The following MBD5 variants were observed in gnomAD, a reference collection of about 807,000 sequenced individuals.
The protein encoded by MBD5 is methyl-CpG-binding domain protein 5.
MBD5 carries 13 observed loss-of-function variants against 117.3 expected under a neutral mutation model. The observed-to-expected ratio is 0.11, with a 90% confidence interval of 0.07 to 0.18. The LOEUF (loss-of-function observed/expected upper bound fraction) is 0.18, where lower values mean the gene tolerates loss of function less well. MBD5 is among the 10% of genes least tolerant of loss of function. The pLI is 1.00. For missense variants in MBD5, 1,879 were observed against 2,093.8 expected, an observed-to-expected ratio of 0.90 and a Z score of 2.00; for synonymous variants, 727 against 766.4, an observed-to-expected ratio of 0.95 and a Z score of 0.85.
chr2:148,389,777 G>C (rs887726972), intron 4 of MBD5, among the ~76,000 whole-genome samples: 2 of 152,064 alleles, frequency 1.3e-5, no homozygotes, highest in Non-Finnish European at 2.9e-5. Flanking sequence ...TTTTAATGGA[G>C]TTATTCACTT....
At chr2:148,208,864 A>G (rs1424072449) in intron 2 of MBD5, among the ~76,000 whole-genome samples, 2 of 152,152 alleles carry the variant, frequency 1.3e-5, no homozygotes, top group Non-Finnish European at 2.9e-5. Context: ...AAATAGTATC[A>G]TCAAATACCT....
intron 3 of MBD5, among the ~76,000 whole-genome samples, chr2:148,325,513 T>G (rs1170491411): frequency 2.6e-5 from 4 of 152,164 alleles, no homozygotes; most frequent in Non-Finnish European, 5.9e-5. Flanking sequence ...CAATATCAGC[T>G]CCTGTTATTG....
intron 4 of MBD5, among the ~76,000 whole-genome samples, chr2:148,347,851 C>T (rs1013809822): frequency 6.6e-6 from 1 of 151,646 alleles, no homozygotes; most frequent in Non-Finnish European, 1.5e-5. Context: ...GCAGAAGTAC[C>T]TAGGGCCCAT....
intron 3 of MBD5, among the ~76,000 whole-genome samples, chr2:148,267,053 A>G (rs1480073321): frequency 1.3e-5 from 2 of 152,154 alleles, no homozygotes; most frequent in Admixed American, 6.5e-5. Flanking sequence ...AACATTTAAT[A>G]TGAATGCTAT....
At chr2:148,419,483 T>C (rs1485445136) in intron 4 of MBD5, among the ~76,000 whole-genome samples, 1 of 152,168 alleles carries the variant, frequency 6.6e-6, no homozygotes, top group Non-Finnish European at 1.5e-5. Context: ...GAAAATAACT[T>C]ACTTTTTTCA....
chr2:148,420,714 G>A (rs1705576502), intron 4 of MBD5, among the ~76,000 whole-genome samples: 1 of 151,404 alleles, frequency 6.6e-6, no homozygotes, highest in South Asian at 2.1e-4. Context: ...GTTTTGTTTT[G>A]TTTTGTTTTG....
chr2:148,322,449 C>T (rs1427289679), intron 3 of MBD5, among the ~76,000 whole-genome samples: 3 of 152,062 alleles, frequency 2.0e-5, no homozygotes, highest in East Asian at 1.9e-4. Flanking sequence ...TGTTAAATTT[C>T]GTTAGTTTCT....
At chr2:148,125,750 C>G (rs1696873968) in intron 1 of MBD5, among the ~76,000 whole-genome samples, 3 of 152,212 alleles carry the variant, frequency 2.0e-5, no homozygotes, top group Non-Finnish European at 4.4e-5. Context: ...GTCTCTCTTA[C>G]TAGGCTTCCT....
intron 1 of MBD5, among the ~76,000 whole-genome samples, chr2:148,146,364 T>TTGCACA (rs1264978082): frequency 4.6e-5 from 7 of 152,186 alleles, no homozygotes; most frequent in Non-Finnish European, 1.0e-4. Context: ...GCTCAAGTGA[T>TTGCACA]CCTCTCTATA....
At chr2:148,452,050 A>G (rs1706742473) in intron 4 of MBD5, among the ~76,000 whole-genome samples, 3 of 151,998 alleles carry the variant, frequency 2.0e-5, no homozygotes, top group Admixed American at 1.3e-4. Context: ...ATAATATCAC[A>G]TGACTCAAAA....
At position 148,490,280 on chromosome 2, in the gene MBD5, C is replaced by A. The variant is rs764472472; in HGVS notation, c.4648C>A (p.Gln1550Lys). ...AAAGCAAGACCTGGTCCTAGAGGAGCAGTCTCCAAGTTCCTCAAATAGTTT... is the reference window on the plus strand; with the variant it reads ...AAAGCAAGACCTGGTCCTAGAGGAGAAGTCTCCAAGTTCCTCAAATAGTTT... ...TAKQDLVLEE[Q>K]SPSSSNSLEN... The change falls in exon 11 of 14, where the codon CAG becomes AAG. Residue 1550 changes from glutamine (Q) to lysine (K), a missense_variant. Transcript: ENST00000642680. 3.7e-6 allele frequency: 6 copies of A among 1,614,052 alleles called. No homozygotes were observed. The Admixed American group carries it at 1.0e-4, about 27-fold the overall frequency.
intron 1 of MBD5, among the ~76,000 whole-genome samples, chr2:148,115,657 C>A (rs989430654): frequency 6.6e-6 from 1 of 151,804 alleles, no homozygotes; most frequent in African/African-American, 2.4e-5. Flanking sequence ...ATTTTGTGAG[C>A]TATACATATT....
intron 4 of MBD5, among the ~76,000 whole-genome samples, chr2:148,384,880 A>C (rs1045823137): frequency 2.0e-5 from 3 of 151,718 alleles, no homozygotes; most frequent in African/African-American, 7.3e-5. Flanking sequence ...CCTATTTAAT[A>C]AATGGTGCTG....
intron 1 of MBD5, among the ~76,000 whole-genome samples, chr2:148,050,868 TG>T (rs1176351874): frequency 6.6e-6 from 1 of 152,156 alleles, no homozygotes; most frequent in Non-Finnish European, 1.5e-5. Context: ...TTTTGTTTCT[TG>T]ATTTTTCTAA....
At chr2:148,480,070 G>T (rs1216134993) in intron 8 of MBD5, among the ~76,000 whole-genome samples, 2 of 151,620 alleles carry the variant, frequency 1.3e-5, no homozygotes, top group Non-Finnish European at 2.9e-5. Flanking sequence ...TATTTTCATG[G>T]TTCTATTCTA....
At chr2:148,045,420 A>G (rs1694492007) in intron 1 of MBD5, among the ~76,000 whole-genome samples, 2 of 152,218 alleles carry the variant, frequency 1.3e-5, no homozygotes, top group Admixed American at 6.5e-5. Context: ...CTATAAATAT[A>G]CATAGATTTG....
intron 4 of MBD5, among the ~76,000 whole-genome samples, chr2:148,452,380 A>T (rs1441369960): frequency 6.6e-6 from 1 of 152,054 alleles, no homozygotes; most frequent in Admixed American, 6.6e-5. Flanking sequence ...GACACCTGTG[A>T]TCGCAGCTAT....
At chr2:148,209,217 ATTACT>A (rs372546684) in intron 2 of MBD5, among the ~76,000 whole-genome samples, 54 of 152,280 alleles carry the variant, frequency 3.5e-4, no homozygotes, top group African/African-American at 1.2e-3. Flanking sequence ...AGTTTTGTGT[ATTACT>A]TAGTACTCTA....
intron 4 of MBD5, among the ~76,000 whole-genome samples, chr2:148,407,202 A>G (rs1371763227): frequency 6.6e-6 from 1 of 152,242 alleles, no homozygotes; most frequent in East Asian, 1.9e-4. Flanking sequence ...GAAAAAGATG[A>G]ACATAAATGT....
Sources: allele counts gnomAD v4.1 joint callset (sites outside exome capture counted in the v4.1 genomes callset), GRCh38; gene constraint gnomAD v4.1.1; transcripts MANE v1.5; gene names NCBI Gene and HGNC (gene_info 2026-07-23, HGNC 2026-07-21).